The following RFC3 variants were observed in gnomAD, a reference collection of about 807,000 sequenced individuals.
RFC3 encodes replication factor C subunit 3.
In RFC3, 41 loss-of-function variants were observed where a neutral mutation model predicts 45.1. That is an observed-to-expected ratio of 0.91 (90% CI 0.71 to 1.18). RFC3 has a LOEUF of 1.18. Among genes scored for constraint, RFC3 ranks in the 50% most tolerant of loss-of-function variants. The probability of loss-of-function intolerance (pLI) is 0.00; values close to 1 mark genes in which losing one functional copy is unlikely to be tolerated. For synonymous variants in RFC3, 149 were observed against 144.0 expected, an observed-to-expected ratio of 1.03 and a Z score of -0.25; for missense variants, 423 against 428.1, an observed-to-expected ratio of 0.99 and a Z score of 0.10.
chr13:33,863,274 C>T (rs1006878974), intron 8 of RFC3, among the ~76,000 whole-genome samples: 2 of 54,564 alleles, frequency 3.7e-5, no homozygotes, highest in Non-Finnish European at 9.1e-5. Flanking sequence ...CAAAATCAGG[C>T]AGTTAAGAAA....
intron 4 of RFC3, 99 bp downstream of exon 4, chr13:33,825,985 T>G: frequency 1.8e-6 from 1 of 543,362 alleles, no homozygotes; most frequent in Non-Finnish European, 3.1e-6. Flanking sequence ...GCCTGATCTC[T>G]GGGCTCATGG....
chr13:33,840,954 G>A (rs764081763), downstream of RFC3, among the ~76,000 whole-genome samples: 14 of 152,146 alleles, frequency 9.2e-5, no homozygotes, highest in Non-Finnish European at 1.5e-4. Flanking sequence ...GTAAACAAAT[G>A]TAAAATTCAG....
chr13:33,961,001 C>T (rs2083053974), intron 8 of RFC3, among the ~76,000 whole-genome samples: 1 of 152,144 alleles, frequency 6.6e-6, no homozygotes. Flanking sequence ...ATCCAGGACA[C>T]CCAATTAAGT....
intron 8 of RFC3, among the ~76,000 whole-genome samples, chr13:33,869,515 T>C (rs2082394420): frequency 6.6e-6 from 1 of 152,216 alleles, no homozygotes; most frequent in Non-Finnish European, 1.5e-5. Flanking sequence ...ATACAATCCT[T>C]TTCAGGAAGA....
chr13:33,971,702 A>G, the RFC3 span, among the ~76,000 whole-genome samples: 1 of 152,258 alleles, frequency 6.6e-6, no homozygotes, highest in Non-Finnish European at 1.5e-5. Flanking sequence ...GCATTTATCT[A>G]TGTCTCAGCA....
At chr13:33,905,668 C>T (rs1438866516) in intron 8 of RFC3, among the ~76,000 whole-genome samples, 3 of 152,062 alleles carry the variant, frequency 2.0e-5, no homozygotes, top group African/African-American at 7.2e-5. Flanking sequence ...ATATGAAGCT[C>T]AGTGTCTTAC....
At position 33,953,434 on chromosome 13, in the gene RFC3, C is replaced by T. The variant is rs190887509; in HGVS notation, c.880-12653C>T. On this transcript the variant is annotated intron_variant, in intron 8 of 8. Coordinates refer to the RFC3 transcript ENST00000434425. ...CAATGTTGTGGTTGAAATTGTTGCT[C>T]CTAGATAATGAGAAAAGTTAAAGCC... Among the ~76,000 whole-genome samples, 532 of 151,574 alleles carry T rather than the reference C, an allele frequency of 3.5e-3. 3 individuals are homozygous for T. The highest frequency in any genetic ancestry group is 0.012 in the African/African-American group (500 of 41,294).
In RFC3 at chr13:33,830,892, C is replaced by T. The variant is rs375301524; in HGVS notation, c.710+37C>T. On this transcript the variant is annotated intron_variant, in intron 6 of 8. Coordinates refer to ENST00000380071, the MANE Select transcript of RFC3 (RefSeq NM_002915.4). ...GGGTAGTTACATTCTAGGACTTTGG[C>T]CCCCAAGCTTTTTGGCACCAGGGAC... is the stretch of plus-strand genomic sequence containing the variant. The T allele has an allele frequency of 3.2e-6, 5 of 1,574,240 alleles. No individual in the cohort carries two copies. In the South Asian group the frequency reaches 5.8e-5, roughly 18 times the overall value.
rs2082799523 is a variant in RFC3 at position 33,925,258 on chromosome 13, A to G, written c.880-40829A>G. Among the ~76,000 whole-genome samples the G allele has an allele frequency of 7.8e-5, 4 of 51,292 alleles. No homozygotes were observed. The South Asian group carries it at 2.5e-3, about 32-fold the overall frequency. 33.6% of individuals were successfully genotyped at this position (51,292 alleles called of 152,430 possible). ...TATAGTGTACTATATACATACACAT[A>G]TAGTGTACTATATACATACACATAT... On this transcript the variant is annotated intron_variant, in intron 8 of 8. Transcript: ENST00000434425.
At chr13:33,924,727 G>A (rs113267299) in intron 8 of RFC3, among the ~76,000 whole-genome samples, 304 of 89,254 alleles carry the variant, frequency 3.4e-3, no homozygotes, top group East Asian at 0.033. Flanking sequence ...GTGTGTGTGT[G>A]TATATATATA....
chr13:33,825,708 G>T, intron 3 of RFC3, 81 bp from the exon 4 acceptor site: 2 of 648,618 alleles, frequency 3.1e-6, no homozygotes, highest in South Asian at 9.1e-5. Context: ...TTAAAATTTT[G>T]ACCACTTAAG....
At chr13:33,874,847 A>G (rs1198841805) in intron 8 of RFC3, among the ~76,000 whole-genome samples, 1 of 152,248 alleles carries the variant, frequency 6.6e-6, no homozygotes, top group African/African-American at 2.4e-5. Flanking sequence ...GTTTAGAGCC[A>G]TATATTCAGG....
intron 1 of RFC3, among the ~76,000 whole-genome samples, chr13:33,820,695 C>T (rs1229375185): frequency 6.6e-6 from 1 of 152,120 alleles, no homozygotes; most frequent in Admixed American, 6.6e-5. Flanking sequence ...GTAAGAAAGG[C>T]CTGAATCTCA....
At chr13:33,860,562 T>G (rs1435232467) in intron 8 of RFC3, among the ~76,000 whole-genome samples, 1 of 152,128 alleles carries the variant, frequency 6.6e-6, no homozygotes, top group African/African-American at 2.4e-5. Context: ...TTTGGATGTG[T>G]TTTTGCTTAT....
At chr13:33,904,135 T>C (rs189478113) in intron 8 of RFC3, among the ~76,000 whole-genome samples, 1 of 152,088 alleles carries the variant, frequency 6.6e-6, no homozygotes, top group East Asian at 1.9e-4. Flanking sequence ...TTATTTGCTG[T>C]ACCTTAGGGA....
In RFC3 at chr13:33,873,890, G is replaced by A. The variant is rs541187840; in HGVS notation, c.879+38673G>A. The stretch of plus-strand genomic sequence containing the variant: ...TTAATCAGAGGCAGTCTTCCTTTAA[G>A]CATCTTTCCTCTTTAAATAGTCTAA... On this transcript the variant is annotated intron_variant, in intron 8 of 8. Coordinates refer to the RFC3 transcript ENST00000434425. Among the ~76,000 whole-genome samples the A allele has an allele frequency of 1.2e-3, 182 of 152,280 alleles. 1 individual carries two copies. The highest frequency in any genetic ancestry group is 3.7e-3 in the African/African-American group (154 of 41,550).
At chr13:33,881,582 A>T (rs528211947) in intron 8 of RFC3, among the ~76,000 whole-genome samples, 1 of 151,872 alleles carries the variant, frequency 6.6e-6, no homozygotes, top group African/African-American at 2.4e-5. Context: ...TTTCAGTAGG[A>T]TCCGGCCAGT....
At chr13:33,930,970 C>T (rs920036493) in intron 8 of RFC3, among the ~76,000 whole-genome samples, 1 of 151,980 alleles carries the variant, frequency 6.6e-6, no homozygotes, top group Non-Finnish European at 1.5e-5. Context: ...ATTACATTCT[C>T]TCCCTTTTTC....
chr13:33,826,623 A>G (rs562377683), intron 4 of RFC3, among the ~76,000 whole-genome samples: 86 of 152,212 alleles, frequency 5.7e-4, no homozygotes, highest in African/African-American at 2.1e-3. Context: ...ATTTTTTGCT[A>G]CTATATATGG....
Sources: allele counts gnomAD v4.1 joint callset (sites outside exome capture counted in the v4.1 genomes callset), GRCh38; gene constraint gnomAD v4.1.1; transcripts MANE v1.5; gene names NCBI Gene and HGNC (gene_info 2026-07-23, HGNC 2026-07-21).